TASP1: variants seen among roughly 807,000 people sequenced by gnomAD.
TASP1 encodes taspase 1.
In TASP1, 16 loss-of-function variants were observed where a neutral mutation model predicts 56.6. The ratio of observed to expected loss-of-function variants is 0.28; its 90% CI spans 0.19 to 0.43. The LOEUF is 0.43. Among genes scored for constraint, TASP1 ranks in the 20% least tolerant of loss-of-function variants. TASP1 has a pLI of 1.00. For missense variants in TASP1, 393 were observed against 511.6 expected (o/e 0.77, Z 2.24); for synonymous variants, 179 against 184.2 (o/e 0.97, Z 0.23).
chr20:13,152,801 C>T, the TASP1 span, among the ~76,000 whole-genome samples: 29 of 152,274 alleles, frequency 1.9e-4, no homozygotes, highest in Admixed American at 3.3e-4. Flanking sequence ...ACACAAGATG[C>T]CCCCTGTTCA....
the TASP1 span, among the ~76,000 whole-genome samples, chr20:13,276,924 C>A: frequency 6.6e-6 from 1 of 152,138 alleles, no homozygotes; most frequent in South Asian, 2.1e-4. Context: ...ACTTTGTTAA[C>A]TGTAGGGAAG....
intron 5 of TASP1, among the ~76,000 whole-genome samples, chr20:13,581,602 C>A (rs1041553739): frequency 6.6e-6 from 1 of 152,114 alleles, no homozygotes; most frequent in Non-Finnish European, 1.5e-5. Context: ...AAGAGGCTAA[C>A]CAGTATGTAC....
intron 11 of TASP1, among the ~76,000 whole-genome samples, chr20:13,474,683 T>G (rs1424593923): frequency 6.6e-6 from 1 of 152,214 alleles, no homozygotes; most frequent in Non-Finnish European, 1.5e-5. Context: ...ATGGTAGATC[T>G]ATTTTTAGAT....
intron 10 of TASP1, among the ~76,000 whole-genome samples, chr20:13,501,387 C>A (rs1326401615): frequency 1.3e-5 from 2 of 151,830 alleles, no homozygotes; most frequent in Non-Finnish European, 2.9e-5. Context: ...ATATCTAACA[C>A]AATAATATAT....
At chr20:13,459,822 G>T (rs1367034792) in intron 11 of TASP1, among the ~76,000 whole-genome samples, 1 of 152,068 alleles carries the variant, frequency 6.6e-6, no homozygotes, top group Non-Finnish European at 1.5e-5. Flanking sequence ...TTCACCTGTT[G>T]ACTAGGTCTA....
the TASP1 span, among the ~76,000 whole-genome samples, chr20:13,231,377 G>T: frequency 6.6e-6 from 1 of 152,206 alleles, no homozygotes; most frequent in Admixed American, 6.5e-5. Context: ...GGCTGCAAAG[G>T]TCACGCCTAG....
chr20:13,329,027 T>G, the TASP1 span, among the ~76,000 whole-genome samples: 2 of 152,220 alleles, frequency 1.3e-5, no homozygotes, highest in Middle Eastern at 3.4e-3. Flanking sequence ...AAAATAAAAT[T>G]GGGTTGTTTT....
chr20:13,543,664 T>C (rs922623783), intron 8 of TASP1, among the ~76,000 whole-genome samples: 1 of 152,172 alleles, frequency 6.6e-6, no homozygotes, highest in African/African-American at 2.4e-5. Context: ...TTTCAACCTC[T>C]AATACACACA....
the TASP1 span, among the ~76,000 whole-genome samples, chr20:13,112,392 C>T: frequency 1.3e-5 from 2 of 152,212 alleles, no homozygotes; most frequent in Non-Finnish European, 2.9e-5. Flanking sequence ...GTGCTGGCTT[C>T]CAACAGAGCA....
chr20:13,491,565 C>A (rs1397504119), intron 10 of TASP1, among the ~76,000 whole-genome samples: 1 of 152,076 alleles, frequency 6.6e-6, no homozygotes, highest in African/African-American at 2.4e-5. Context: ...AACTTCAGCT[C>A]CAGTGATAGA....
the TASP1 span, chr20:13,117,530 G>T: frequency 6.2e-7 from 1 of 1,604,568 alleles, no homozygotes; most frequent in Non-Finnish European, 8.5e-7. Context: ...TCGTGCATCT[G>T]CCCCAGATCA....
chr20:13,154,230 T>G, the TASP1 span: 3 of 1,502,744 alleles, frequency 2.0e-6, no homozygotes, highest in African/African-American at 2.8e-5. Flanking sequence ...GCATCTGGAA[T>G]GGGGTGAGTG....
At chr20:13,474,318 A>C (rs1045271229) in intron 11 of TASP1, among the ~76,000 whole-genome samples, 36 of 152,194 alleles carry the variant, frequency 2.4e-4, no homozygotes, top group African/African-American at 8.4e-4. Flanking sequence ...CTCAAAGTCC[A>C]TTATATCACT....
At position 13,438,586 on chromosome 20, in the gene TASP1, T is replaced by C. The variant is rs1185387111; in HGVS notation, c.986-3432A>G. ...AACCTAGGCAATACCATTCAGGACA[T>C]AGCCATGGGCAAGGACTTTATGTCT... On this transcript the variant is annotated intron_variant, in intron 11 of 13. Transcript: ENST00000337743. Among the ~76,000 whole-genome samples the C allele has an allele frequency of 3.3e-5, 5 of 152,212 alleles. No individual in the cohort carries two copies. In the East Asian group the frequency reaches 5.8e-4, roughly 18 times the overall value.
chr20:13,221,796 A>AGCTGCTGCTGCTGCTGGG, the TASP1 span: 1 of 1,450,588 alleles, frequency 6.9e-7, no homozygotes, highest in Non-Finnish European at 9.0e-7. Flanking sequence ...CTGGCGGCCG[A>AGCTGCTGCTGCTGCTGGG]GCTGCTGCTG....
At chr20:13,568,480 CAT>C (rs1343046341) in intron 7 of TASP1, among the ~76,000 whole-genome samples, 3 of 152,004 alleles carry the variant, frequency 2.0e-5, no homozygotes, top group South Asian at 4.1e-4. Context: ...TTTAAACAGA[CAT>C]ATACACAAAC....
chr20:13,531,821 C>T (rs1332363623), intron 9 of TASP1, among the ~76,000 whole-genome samples: 1 of 152,144 alleles, frequency 6.6e-6, no homozygotes, highest in Admixed American at 6.5e-5. Flanking sequence ...TATACCACCA[C>T]GCCCAGCTAT....
chr20:13,128,268 G>A, the TASP1 span, among the ~76,000 whole-genome samples: 12 of 152,324 alleles, frequency 7.9e-5, no homozygotes, highest in African/African-American at 2.9e-4. Context: ...TATGACAGAA[G>A]TGAAGTAGGA....
At chr20:13,162,183 T>C in the TASP1 span, among the ~76,000 whole-genome samples, 3 of 152,196 alleles carry the variant, frequency 2.0e-5, no homozygotes, top group South Asian at 2.1e-4. Context: ...GGCTTGAGCA[T>C]GTTTACACAT....
Sources: allele counts gnomAD v4.1 joint callset (sites outside exome capture counted in the v4.1 genomes callset), GRCh38; gene constraint gnomAD v4.1.1; transcripts MANE v1.5; gene names NCBI Gene and HGNC (gene_info 2026-07-23, HGNC 2026-07-21).